ASB14: variants seen among roughly 807,000 people sequenced by gnomAD.
ASB14 encodes ankyrin repeat and SOCS box containing 14, also known as ankyrin repeat and SOCS box protein 14.
A neutral mutation model predicts 55.6 loss-of-function variants in ASB14; 63 were observed. The observed-to-expected ratio is 1.13, with a 90% CI of 0.92 to 1.40. The LOEUF (loss-of-function observed/expected upper bound fraction) is 1.40, where lower values mean the gene tolerates loss of function less well. Among genes scored for constraint, ASB14 ranks in the 40% most tolerant of loss-of-function variants. The pLI is 0.00. For missense variants in ASB14, 724 were observed against 710.4 expected, an observed-to-expected ratio of 1.02 and a Z score of -0.22; for synonymous variants, 256 against 259.9, an observed-to-expected ratio of 0.98 and a Z score of 0.15.
chr3:57,279,264 CTTTTTTTTTTTTTTTTTT>C (rs869152915), intron 7 of ASB14, among the ~76,000 whole-genome samples: 2 of 88,030 alleles, frequency 2.3e-5, no homozygotes, highest in African/African-American at 8.9e-5. Flanking sequence ...AAGAGTTTTT[CTTTTTTTTTTTTTTTTTT>C]TTTTTTTTTT....
At chr3:57,290,307 T>C (rs1055112552) in intron 2 of ASB14, among the ~76,000 whole-genome samples, 3 of 152,196 alleles carry the variant, frequency 2.0e-5, no homozygotes, top group Non-Finnish European at 2.9e-5. Context: ...TCTTGGCTGG[T>C]GGACTCTCTG....
chr3:57,285,917 T>C (rs1471984297), intron 5 of ASB14, among the ~76,000 whole-genome samples: 1 of 152,186 alleles, frequency 6.6e-6, no homozygotes, highest in Non-Finnish European at 1.5e-5. Flanking sequence ...TGCCAAACTT[T>C]TGTTTTTCTG....
intron 10 of ASB14, chr3:57,271,442 CTTTTG>C (rs2060939303): frequency 2.0e-5 from 3 of 152,438 alleles, no homozygotes; most frequent in South Asian, 4.1e-4. Flanking sequence ...TGTATCAGTT[CTTTTG>C]TTTTGTTAAA....
chr3:57,291,367 G>GCTTGACTGCAAACTGC, intron 2 of ASB14, among the ~76,000 whole-genome samples: 2 of 151,938 alleles, frequency 1.3e-5, no homozygotes, highest in East Asian at 3.9e-4. Flanking sequence ...GAGCAGGTGT[G>GCTTGACTGCAAACTGC]CCATATCCAG....
Position 57,280,421 on chromosome 3 carries a change from G to A in ASB14, c.768C>T (p.Ala256=), listed in dbSNP as rs375356642. ...ASDSSSILLE[A]ASGGNPDAVA... is the part of the protein sequence containing the mutation. ...CAGCATCTGGATTTCCTCCACTTGC[G>A]GCTTCAAGTAAGATGGAAGAAGAAT... Residue 256 remains alanine (A), a synonymous_variant, in exon 7 of 11, where the codon GCC becomes GCT. Transcript: ENST00000487349. 261 of 1,551,196 alleles carry A rather than the reference G, an allele frequency of 1.7e-4. No homozygotes were observed. The highest frequency in any genetic ancestry group is 1.7e-4 in the Middle Eastern group (1 of 5,984).
At position 57,277,773 on chromosome 3, in the gene ASB14, T is replaced by G; in HGVS notation, c.1579A>C (p.Ile527Leu). The stretch of plus-strand genomic sequence containing the variant: ...CTATGAGAAGGATACTTACTTAAGA[T>G]AAAATGTATTTCTGACCAGATCCCC... ...KQGIWSEIHF[I>L]LTNPRSLKHL... Residue 527 changes from isoleucine to leucine, a missense_variant, in exon 9 of 11, where the codon ATC (isoleucine) becomes CTC (leucine). Transcript: ENST00000487349. 6.2e-7 allele frequency: 1 copy of G among 1,605,344 alleles called. No individual in the cohort carries two copies. The highest frequency in any genetic ancestry group is 8.5e-7 in the Non-Finnish European group (1 of 1,177,418).
At chr3:57,275,476 A>G (rs2060978709) in intron 10 of ASB14, among the ~76,000 whole-genome samples, 1 of 151,760 alleles carries the variant, frequency 6.6e-6, no homozygotes, top group Non-Finnish European at 1.5e-5. Context: ...AAAAGTATTA[A>G]GATGAAAATC....
rs1350742791 is a variant in ASB14 at position 57,288,051 on chromosome 3, G to T, written c.319C>A (p.Pro107Thr). The change falls in exon 5 of 11, where the codon CCC becomes ACC. Residue 107 changes from proline to threonine, a missense_variant. Coordinates refer to ENST00000487349, the MANE Select transcript of ASB14 (RefSeq NM_001142733.3). ...ILEITLSASDPSLWEQTTHNG... is the reference protein window; with the variant it reads ...ILEITLSASDTSLWEQTTHNG... ...TGAGTGGTTTGCTCCCACAGACTGG[G>T]GTCTGAAGCTGAAATAAATTCATCA... 15 of 1,537,112 alleles carry T rather than the reference G, an allele frequency of 9.8e-6. No individual in the cohort carries two copies. The highest frequency in any genetic ancestry group is 1.2e-5 in the Non-Finnish European group (14 of 1,146,842).
At position 57,283,344 on chromosome 3, in the gene ASB14, CGTG is replaced by C; in HGVS notation, c.562_564del (p.His188del). ...TCCTCTCTGCCCAGTTTGGCTGCTTCGTGGAGAGCTGTCCTCTCGTTGGCACAA... is the reference window on the plus strand; with the variant it reads ...TCCTCTCTGCCCAGTTTGGCTGCTTCGAGAGCTGTCCTCTCGTTGGCACAA... On this transcript the variant is annotated inframe_deletion, in exon 6 of 11. Coordinates refer to ENST00000487349, the MANE Select transcript of ASB14 (RefSeq NM_001142733.3). The C allele has an allele frequency of 6.4e-7, 1 of 1,551,780 alleles. No individual in the cohort carries two copies.
intron 2 of ASB14, among the ~76,000 whole-genome samples, chr3:57,290,818 AT>A (rs2061122668): frequency 6.6e-6 from 1 of 152,266 alleles, no homozygotes; most frequent in African/African-American, 2.4e-5. Context: ...TAAGGTTAAT[AT>A]AACAGATAAT....
chr3:57,271,835 A>G (rs1030840278), intron 10 of ASB14: 3 of 152,246 alleles, frequency 2.0e-5, no homozygotes, highest in African/African-American at 7.2e-5. Context: ...GTGCATTCCA[A>G]TGCTAAATAG....
chr3:57,278,627 AG>A lies in ASB14; in HGVS notation c.1180del (p.Leu394SerfsTer8), dbSNP rs1331408673. ...QDPVNCLQIA[L>X]RMGNYELISL... ...GATCAGCTCATAGTTGCCCATCCTGAGGGCTATCTGGAGGCAGTTAACCGGG... is the reference window on the plus strand; with the variant it reads ...GATCAGCTCATAGTTGCCCATCCTGAGGCTATCTGGAGGCAGTTAACCGGG... On this transcript the variant is annotated frameshift_variant, in exon 8 of 11. Transcript: ENST00000487349. LOFTEE classifies it high-confidence loss of function. The A allele has an allele frequency of 6.2e-7, 1 of 1,614,078 alleles. No individual in the cohort carries two copies. The highest frequency in any genetic ancestry group is 1.7e-5 in the Admixed American group (1 of 60,006).
Position 57,278,446 on chromosome 3 carries a change from T to G in ASB14, c.1362A>C (p.Pro454=). 6.2e-7 allele frequency: 1 copy of G among 1,614,234 alleles called. No individual in the cohort carries two copies. The highest frequency in any genetic ancestry group is 1.1e-5 in the South Asian group (1 of 91,078). Residue 454 remains proline, a synonymous_variant, in exon 8 of 11, where the codon CCA becomes CCC. Coordinates refer to ENST00000487349, the MANE Select transcript of ASB14 (RefSeq NM_001142733.3). ...AGGAAGGATGGACTTTGTCTCCATGTGGGCAATCAAAACATCGCTCTGTGT... is the reference window on the plus strand; with the variant it reads ...AGGAAGGATGGACTTTGTCTCCATGGGGGCAATCAAAACATCGCTCTGTGT... The part of the protein sequence containing the change: ...GYDTERCFDC[P]HGDKVHPSYT...
intron 6 of ASB14, among the ~76,000 whole-genome samples, chr3:57,282,400 T>C (rs1042800124): frequency 2.0e-5 from 3 of 152,186 alleles, no homozygotes; most frequent in Non-Finnish European, 4.4e-5. Flanking sequence ...AAAAAAGCTT[T>C]AGATTGATCC....
At chr3:57,285,488 T>A (rs1416096413) in intron 5 of ASB14, among the ~76,000 whole-genome samples, 1 of 152,174 alleles carries the variant, frequency 6.6e-6, no homozygotes, top group Non-Finnish European at 1.5e-5. Context: ...TTTTTCCTCC[T>A]GTCCCCACCA....
intron 2 of ASB14, among the ~76,000 whole-genome samples, chr3:57,289,332 T>TG (rs2061110092): frequency 1.3e-5 from 2 of 152,152 alleles, no homozygotes; most frequent in Non-Finnish European, 2.9e-5. Flanking sequence ...CCTAACTCTA[T>TG]CTGTCTTCCG....
chr3:57,283,517 G>A (rs1023440042), intron 5 of ASB14, 78 bp from the exon 6 acceptor site: 1 of 1,423,248 alleles, frequency 7.0e-7, no homozygotes, highest in Admixed American at 2.0e-5. Context: ...TATCCCTCAG[G>A]CTTTCTTAAG....
intron 7 of ASB14, among the ~76,000 whole-genome samples, chr3:57,279,264 C>CTTTTTTTTTTTTTT (rs869152915): frequency 1.1e-5 from 1 of 88,028 alleles, no homozygotes; most frequent in Non-Finnish European, 2.2e-5. Context: ...AAGAGTTTTT[C>CTTTTTTTTTTTTTT]TTTTTTTTTT....
At chr3:57,286,762 T>C (rs1055221079) in intron 5 of ASB14, among the ~76,000 whole-genome samples, 115 of 152,246 alleles carry the variant, frequency 7.6e-4, no homozygotes, top group African/African-American at 2.8e-3. Flanking sequence ...CTGGAAACAC[T>C]TGTCCTTCAT....
Sources: gnomAD v4.1 joint callset for allele counts (sites outside exome capture counted in the v4.1 genomes callset) on GRCh38, gnomAD v4.1.1 for gene constraint, MANE v1.5 for transcripts, NCBI Gene and HGNC (gene_info 2026-07-23, HGNC 2026-07-21) for gene names.